The following LPXN variants were observed in gnomAD, a reference collection of about 807,000 sequenced individuals.
LPXN encodes leupaxin.
A neutral mutation model predicts 45.6 loss-of-function variants in LPXN; 28 were observed. The ratio of observed to expected loss-of-function variants is 0.61; its 90% CI spans 0.45 to 0.84. The LOEUF (loss-of-function observed/expected upper bound fraction) is 0.84. Among genes scored for constraint, LPXN ranks in the 40% least tolerant of loss-of-function variants. LPXN has a pLI of 0.00. For synonymous variants in LPXN, 166 were observed against 169.9 expected, an observed-to-expected ratio of 0.98 and a Z score of 0.18; for missense variants, 459 against 475.0, an observed-to-expected ratio of 0.97 and a Z score of 0.31.
intron 7 of LPXN, among the ~76,000 whole-genome samples, chr11:58,528,726 G>A (rs1031941059): frequency 1.3e-5 from 2 of 152,136 alleles, no homozygotes; most frequent in South Asian, 2.1e-4. Context: ...AAGAAAAAAA[G>A]CATCTGATAT....
chr11:58,548,755 G>A (rs1352111064), intron 7 of LPXN, among the ~76,000 whole-genome samples: 2 of 152,168 alleles, frequency 1.3e-5, no homozygotes, highest in African/African-American at 4.8e-5. Context: ...TTTTACTGAT[G>A]AGGAAAGTAA....
chr11:58,529,533 C>G (rs933203535), intron 7 of LPXN, among the ~76,000 whole-genome samples: 5 of 150,958 alleles, frequency 3.3e-5, no homozygotes, highest in African/African-American at 1.2e-4. Context: ...TGGCGTAAAC[C>G]CGGGAGGCAG....
At chr11:58,574,096 A>G (rs1370987877) in intron 1 of LPXN, among the ~76,000 whole-genome samples, 3 of 152,356 alleles carry the variant, frequency 2.0e-5, no homozygotes, top group East Asian at 3.9e-4. Context: ...TGGGCTGATG[A>G]CAATTTGAAG....
intron 1 of LPXN, among the ~76,000 whole-genome samples, chr11:58,572,675 A>C (rs1565207159): frequency 6.6e-6 from 1 of 150,572 alleles, no homozygotes; most frequent in Non-Finnish European, 1.5e-5. Context: ...TTAAGGAATT[A>C]ATATTAAGGC....
intron 3 of LPXN, among the ~76,000 whole-genome samples, chr11:58,562,007 C>T (rs534644208): frequency 2.6e-5 from 4 of 152,330 alleles, no homozygotes; most frequent in East Asian, 3.9e-4. Context: ...ACTTACTTCA[C>T]TGCTCAGAGA....
intron 4 of LPXN, among the ~76,000 whole-genome samples, chr11:58,553,418 C>T (rs1402122703): frequency 6.6e-6 from 1 of 150,836 alleles, no homozygotes; most frequent in Non-Finnish European, 1.5e-5. Context: ...ACTAGAAACG[C>T]AACACAATTA....
intron 2 of LPXN, among the ~76,000 whole-genome samples, chr11:58,567,097 T>C (rs924117986): frequency 6.6e-6 from 1 of 152,196 alleles, no homozygotes; most frequent in Non-Finnish European, 1.5e-5. Context: ...CGCAGCTTGT[T>C]TGAATGCAGT....
At chr11:58,534,742 T>G (rs1853497031) in intron 7 of LPXN, among the ~76,000 whole-genome samples, 1 of 152,132 alleles carries the variant, frequency 6.6e-6, no homozygotes, top group Non-Finnish European at 1.5e-5. Flanking sequence ...AGGTGGTTTT[T>G]TGAAATGATC....
chr11:58,577,681 A>C (rs1331872767), upstream of LPXN, among the ~76,000 whole-genome samples: 1 of 152,102 alleles, frequency 6.6e-6, no homozygotes, highest in South Asian at 2.1e-4. Context: ...AACCTCTGAT[A>C]AAGTTGCTAT....
At chr11:58,576,222 T>G (rs1854887089), upstream of LPXN, among the ~76,000 whole-genome samples, 1 of 152,034 alleles carries the variant, frequency 6.6e-6, no homozygotes, top group African/African-American at 2.4e-5. Flanking sequence ...AGGCATAGTC[T>G]CCTTCTTAAA....
At chr11:58,545,070 C>T (rs1853838967) in intron 7 of LPXN, among the ~76,000 whole-genome samples, 1 of 152,132 alleles carries the variant, frequency 6.6e-6, no homozygotes, top group South Asian at 2.1e-4. Context: ...GACCTTTTTA[C>T]AGAAAGCCAG....
At chr11:58,569,819 G>T (rs1180177612) in intron 2 of LPXN, among the ~76,000 whole-genome samples, 2 of 152,074 alleles carry the variant, frequency 1.3e-5, no homozygotes, top group African/African-American at 4.8e-5. Context: ...ATAAGACCTG[G>T]GAAGTAGTGA....
rs933174185 is a variant in LPXN, at chr11:58,529,879, T to C, written c.743-1688A>G. ...CTGATCGGACAGTGGGTGCAGCCCATTGAGGGCAAGCCGAAAAAGGGTGGG... is the reference window on the plus strand; with the variant it reads ...CTGATCGGACAGTGGGTGCAGCCCACTGAGGGCAAGCCGAAAAAGGGTGGG... On this transcript the variant is annotated intron_variant, in intron 7 of 8. Coordinates refer to ENST00000395074, the MANE Select transcript of LPXN (RefSeq NM_004811.3). Among the ~76,000 whole-genome samples, 4 of 152,216 alleles carry C rather than the reference T, an allele frequency of 2.6e-5. No homozygotes were observed. The South Asian group carries it at 8.3e-4, about 32-fold the overall frequency.
intron 7 of LPXN, among the ~76,000 whole-genome samples, chr11:58,544,527 C>T (rs566131011): frequency 3.3e-5 from 5 of 152,172 alleles, no homozygotes; most frequent in African/African-American, 1.2e-4. Flanking sequence ...CAGCTGGTTT[C>T]GAGAGTGGGA....
At position 58,559,332 on chromosome 11, in the gene LPXN, G is replaced by T. The variant is rs2120353979; in HGVS notation, c.219-4392C>A. ...ATATACCACTTGATTGAGCAATTTT[G>T]CTACTAAGAATCTATCCTACAGAAA... On this transcript the variant is annotated intron_variant, in intron 3 of 8. Coordinates refer to ENST00000395074, the MANE Select transcript of LPXN (RefSeq NM_004811.3). Among the ~76,000 whole-genome samples the T allele has an allele frequency of 1.3e-5, 2 of 152,012 alleles. 1 individual carries two copies. Among genetic ancestry groups the T allele is most frequent in the South Asian group, 4.2e-4 (2 of 4,816 alleles).
intron 7 of LPXN, among the ~76,000 whole-genome samples, chr11:58,536,661 G>T (rs530977275): frequency 4.3e-4 from 65 of 152,228 alleles, no homozygotes; most frequent in African/African-American, 1.3e-3. Context: ...AGACAAATGG[G>T]ATCTAATTAA....
At chr11:58,541,752 C>G (rs1181297373) in intron 7 of LPXN, among the ~76,000 whole-genome samples, 159 of 150,474 alleles carry the variant, frequency 1.1e-3, no homozygotes, top group Non-Finnish European at 1.4e-3. Flanking sequence ...TATGTTTATT[C>G]TGGCATTATT....
chr11:58,540,960 T>C (rs923970289), intron 7 of LPXN, among the ~76,000 whole-genome samples: 4 of 152,204 alleles, frequency 2.6e-5, no homozygotes, highest in Non-Finnish European at 5.9e-5. Flanking sequence ...ATTTAATAAA[T>C]GGTGCTGGGA....
intron 7 of LPXN, among the ~76,000 whole-genome samples, chr11:58,536,211 A>C (rs1565186055): frequency 6.6e-6 from 1 of 152,208 alleles, no homozygotes; most frequent in African/African-American, 2.4e-5. Context: ...AGACAATCCT[A>C]AGCAAAAAGA....
Sources: gnomAD v4.1 joint callset for allele counts (sites outside exome capture counted in the v4.1 genomes callset) on GRCh38, gnomAD v4.1.1 for gene constraint, MANE v1.5 for transcripts, NCBI Gene and HGNC (gene_info 2026-07-23, HGNC 2026-07-21) for gene names.